Variants in RYR2 observed in about 807,000 individuals in gnomAD.
The protein encoded by RYR2 is ryanodine receptor 2.
A neutral mutation model predicts 601.1 loss-of-function variants in RYR2; 227 were observed. That is an observed-to-expected ratio of 0.38 (90% CI 0.34 to 0.42). The LOEUF (loss-of-function observed/expected upper bound fraction) is 0.42. Ranked by LOEUF, RYR2 falls within the 10% of genes least tolerant of loss-of-function variation. RYR2 has a pLI of 1.00. For missense variants in RYR2, 4,646 were observed against 6,156.5 expected (o/e 0.75, Z 8.21); for synonymous variants, 2,223 against 2,175.1 (o/e 1.02, Z -0.61).
chr1:237,433,666 C>T (rs1707063695), intron 12 of RYR2, among the ~76,000 whole-genome samples: 1 of 152,070 alleles, frequency 6.6e-6, no homozygotes, highest in African/African-American at 2.4e-5. Context: ...ATACTTTTTC[C>T]CCACCTCAGT....
At chr1:237,666,109 A>G (rs925589683) in intron 56 of RYR2, among the ~76,000 whole-genome samples, 2 of 152,242 alleles carry the variant, frequency 1.3e-5, no homozygotes, top group African/African-American at 4.8e-5. Flanking sequence ...CTTTATCCTA[A>G]CATTTGACCC....
At chr1:237,552,430 A>G (rs1670491897) in intron 27 of RYR2, among the ~76,000 whole-genome samples, 1 of 152,160 alleles carries the variant, frequency 6.6e-6, no homozygotes, top group South Asian at 2.1e-4. Flanking sequence ...TAAAATGTAC[A>G]CATCTGAAGT....
At chr1:237,591,391 T>A (rs1160030491) in intron 31 of RYR2, among the ~76,000 whole-genome samples, 1 of 152,130 alleles carries the variant, frequency 6.6e-6, no homozygotes, top group Admixed American at 6.6e-5. Flanking sequence ...CCAAATAGTA[T>A]TTTTTATGAT....
chr1:237,392,303 A>C (rs1702451652), intron 10 of RYR2, among the ~76,000 whole-genome samples: 1 of 152,118 alleles, frequency 6.6e-6, no homozygotes, highest in African/African-American at 2.4e-5. Context: ...TGTACATTAA[A>C]AAATAACTAA....
At chr1:237,530,323 A>C (rs996502625) in intron 24 of RYR2, 104 bp from the exon 25 acceptor site, 3 of 857,762 alleles carry the variant, frequency 3.5e-6, no homozygotes, top group Non-Finnish European at 5.5e-6. Context: ...AAAAAAAAAA[A>C]AATTGTGCTT....
intron 1 of RYR2, among the ~76,000 whole-genome samples, chr1:237,169,295 TTTTC>T (rs1316629081): frequency 1.5e-4 from 8 of 54,262 alleles, no homozygotes; most frequent in East Asian, 4.5e-4. Flanking sequence ...TGCCTTTTTT[TTTTC>T]TTCTTCTTCT....
At chr1:237,266,985 C>G (rs1457207223) in intron 1 of RYR2, among the ~76,000 whole-genome samples, 1 of 152,168 alleles carries the variant, frequency 6.6e-6, no homozygotes, top group East Asian at 1.9e-4. Context: ...TGTTAAGGGA[C>G]TGGATTGAAG....
intron 24 of RYR2, among the ~76,000 whole-genome samples, chr1:237,529,230 T>A (rs1667874787): frequency 6.6e-6 from 1 of 152,220 alleles, no homozygotes; most frequent in Non-Finnish European, 1.5e-5. Flanking sequence ...TGCTGATCAA[T>A]CCCTTTCAAC....
chr1:237,394,516 C>A (rs1702652148), intron 10 of RYR2, among the ~76,000 whole-genome samples: 1 of 152,240 alleles, frequency 6.6e-6, no homozygotes, highest in Non-Finnish European at 1.5e-5. Context: ...TGCTTTAGCA[C>A]CTGCCTGCGG....
chr1:237,802,845 A>G (rs916748533), intron 98 of RYR2, among the ~76,000 whole-genome samples: 1 of 152,230 alleles, frequency 6.6e-6, no homozygotes, highest in Admixed American at 6.5e-5. Context: ...CAGCTTATCC[A>G]TAATATTCAT....
At chr1:237,312,392 G>C (rs949842114) in intron 2 of RYR2, among the ~76,000 whole-genome samples, 1 of 152,150 alleles carries the variant, frequency 6.6e-6, no homozygotes, top group East Asian at 1.9e-4. Flanking sequence ...CTGTCTTCTT[G>C]TAATCTTGTG....
At chr1:237,060,433 C>T (rs1662696000) in intron 1 of RYR2, among the ~76,000 whole-genome samples, 1 of 152,068 alleles carries the variant, frequency 6.6e-6, no homozygotes, top group African/African-American at 2.4e-5. Context: ...TATTAACATA[C>T]AGATAGTAAA....
intron 10 of RYR2, among the ~76,000 whole-genome samples, chr1:237,399,744 C>T (rs548219915): frequency 3.3e-5 from 5 of 151,910 alleles, no homozygotes; most frequent in African/African-American, 7.3e-5. Flanking sequence ...ACATATTTTC[C>T]TAAATATAGT....
intron 24 of RYR2, among the ~76,000 whole-genome samples, chr1:237,516,350 C>T (rs1666545287): frequency 6.6e-6 from 1 of 152,066 alleles, no homozygotes; most frequent in Non-Finnish European, 1.5e-5. Context: ...AACCCCTGGC[C>T]TCAGGTGATC....
At chr1:237,439,717 A>C (rs1558820482) in intron 12 of RYR2, among the ~76,000 whole-genome samples, 2 of 152,192 alleles carry the variant, frequency 1.3e-5, no homozygotes, top group Non-Finnish European at 2.9e-5. Context: ...GAAATACATC[A>C]ATAAAATACA....
intron 3 of RYR2, among the ~76,000 whole-genome samples, chr1:237,349,347 T>A (rs1698564564): frequency 6.6e-6 from 1 of 152,112 alleles, no homozygotes; most frequent in Non-Finnish European, 1.5e-5. Context: ...TATAGCCAGA[T>A]AAAAGTATAC....
At chr1:237,673,179 G>A (rs577570916) in intron 58 of RYR2, among the ~76,000 whole-genome samples, 1 of 152,274 alleles carries the variant, frequency 6.6e-6, no homozygotes, top group South Asian at 2.1e-4. Flanking sequence ...TTTCAGGGTA[G>A]TTGAGCCTCT....
At chr1:237,233,835 C>T (rs955531401) in intron 1 of RYR2, among the ~76,000 whole-genome samples, 1 of 151,896 alleles carries the variant, frequency 6.6e-6, no homozygotes, top group African/African-American at 2.4e-5. Context: ...GACAGGGGCA[C>T]ACCACCATGC....
intron 56 of RYR2, among the ~76,000 whole-genome samples, chr1:237,664,019 G>A (rs185709749): frequency 3.2e-4 from 49 of 152,212 alleles, no homozygotes; most frequent in Admixed American, 2.5e-3. Flanking sequence ...AAAGAAAACA[G>A]CAAAAAACAT....
Sources: allele counts gnomAD v4.1 joint callset (sites outside exome capture counted in the v4.1 genomes callset), GRCh38; gene constraint gnomAD v4.1.1; transcripts MANE v1.5; gene names NCBI Gene and HGNC (gene_info 2026-07-23, HGNC 2026-07-21).